Variants in CTNNA2 observed in about 807,000 individuals in gnomAD.
CTNNA2 encodes catenin alpha-2.
CTNNA2 carries 42 observed loss-of-function variants against 101.0 expected under a neutral mutation model. That is an observed-to-expected ratio of 0.42 (90% confidence interval 0.32 to 0.54). CTNNA2 has a LOEUF of 0.54. Among genes scored for constraint, CTNNA2 ranks in the 20% least tolerant of loss-of-function variants. The pLI is 0.14. For synonymous variants in CTNNA2, 450 were observed against 456.4 expected, an observed-to-expected ratio of 0.99 and a Z score of 0.18; for missense variants, 871 against 1,223.1, an observed-to-expected ratio of 0.71 and a Z score of 4.29.
At chr2:80,261,638 C>A (rs1208484949) in intron 7 of CTNNA2, among the ~76,000 whole-genome samples, 1 of 152,012 alleles carries the variant, frequency 6.6e-6, no homozygotes, top group Non-Finnish European at 1.5e-5. Context: ...TAATTGAATA[C>A]CCAATTGAAT....
intron 4 of CTNNA2, among the ~76,000 whole-genome samples, chr2:79,459,104 C>T (rs1670852724): frequency 6.6e-6 from 1 of 152,116 alleles, no homozygotes; most frequent in Non-Finnish European, 1.5e-5. Flanking sequence ...AAGATGAAAA[C>T]TTCTCACACT....
intron 7 of CTNNA2, among the ~76,000 whole-genome samples, chr2:80,110,040 T>A (rs937045772): frequency 2.6e-5 from 4 of 152,188 alleles, no homozygotes; most frequent in Non-Finnish European, 4.4e-5. Flanking sequence ...GTGTTGTCAC[T>A]GAAAATTTGT....
At chr2:80,423,496 T>C (rs1031183238) in intron 9 of CTNNA2, among the ~76,000 whole-genome samples, 13 of 152,178 alleles carry the variant, frequency 8.5e-5, no homozygotes, top group African/African-American at 3.1e-4. Context: ...AAATTTATTA[T>C]CAGGTCATCT....
At chr2:80,030,865 A>G (rs1558743467) in intron 7 of CTNNA2, among the ~76,000 whole-genome samples, 1 of 152,174 alleles carries the variant, frequency 6.6e-6, no homozygotes, top group Non-Finnish European at 1.5e-5. Flanking sequence ...AGAAATATAA[A>G]TGGTCAATAG....
intron 7 of CTNNA2, among the ~76,000 whole-genome samples, chr2:80,254,171 C>T (rs1671967063): frequency 6.6e-6 from 1 of 152,098 alleles, no homozygotes; most frequent in Non-Finnish European, 1.5e-5. Flanking sequence ...GATTACATTA[C>T]AATATTGTAT....
intron 9 of CTNNA2, among the ~76,000 whole-genome samples, chr2:80,506,768 A>T (rs1357562016): frequency 2.0e-5 from 3 of 152,114 alleles, no homozygotes; most frequent in African/African-American, 7.2e-5. Context: ...CGTGGGAGGG[A>T]TGGACAAGAG....
chr2:79,805,662 G>A (rs561323336), intron 3 of CTNNA2, among the ~76,000 whole-genome samples: 2 of 152,278 alleles, frequency 1.3e-5, no homozygotes, highest in South Asian at 2.1e-4. Context: ...AGTTGGCTGG[G>A]CACGGTGGCT....
chr2:80,380,784 T>A (rs1676446503), intron 7 of CTNNA2, among the ~76,000 whole-genome samples: 1 of 152,154 alleles, frequency 6.6e-6, no homozygotes, highest in South Asian at 2.1e-4. Flanking sequence ...TAATATGCAT[T>A]CTCAAGTCTC....
At chr2:79,881,184 A>G (rs1338612803) in intron 6 of CTNNA2, among the ~76,000 whole-genome samples, 1 of 151,968 alleles carries the variant, frequency 6.6e-6, no homozygotes, top group Non-Finnish European at 1.5e-5. Flanking sequence ...AGAGACTGTT[A>G]TGGTTTCAGT....
chr2:79,595,802 C>T (rs1677152759), intron 1 of CTNNA2, among the ~76,000 whole-genome samples: 1 of 151,858 alleles, frequency 6.6e-6, no homozygotes, highest in African/African-American at 2.4e-5. Context: ...AATTATCATA[C>T]TAGAACATTA....
At chr2:79,778,622 C>A (rs1272297206) in intron 3 of CTNNA2, among the ~76,000 whole-genome samples, 1 of 152,032 alleles carries the variant, frequency 6.6e-6, no homozygotes, top group South Asian at 2.1e-4. Flanking sequence ...TATATACACA[C>A]GTAACATACG....
At chr2:80,153,198 C>T (rs1243496053) in intron 7 of CTNNA2, among the ~76,000 whole-genome samples, 3 of 152,150 alleles carry the variant, frequency 2.0e-5, no homozygotes, top group Non-Finnish European at 4.4e-5. Flanking sequence ...TAAGGGTGCT[C>T]ATACCCAAGG....
At chr2:79,287,108 A>C (rs559929581) in intron 2 of CTNNA2, among the ~76,000 whole-genome samples, 2 of 152,196 alleles carry the variant, frequency 1.3e-5, no homozygotes, top group South Asian at 4.2e-4. Flanking sequence ...CAGCTCCATC[A>C]GCTCCTTTAA....
intron 4 of CTNNA2, among the ~76,000 whole-genome samples, chr2:79,467,255 T>C (rs1279828542): frequency 6.6e-6 from 1 of 152,076 alleles, no homozygotes; most frequent in Non-Finnish European, 1.5e-5. Flanking sequence ...GCCGATTTGA[T>C]CAACTGGAAG....
chr2:79,831,061 A>C (rs1678888927), intron 3 of CTNNA2, among the ~76,000 whole-genome samples: 1 of 152,062 alleles, frequency 6.6e-6, no homozygotes, highest in African/African-American at 2.4e-5. Flanking sequence ...CTCAATGCAT[A>C]ATTTTGAAAA....
chr2:79,773,083 C>G (rs190560678), intron 3 of CTNNA2, among the ~76,000 whole-genome samples: 1 of 152,202 alleles, frequency 6.6e-6, no homozygotes, highest in African/African-American at 2.4e-5. Context: ...TTATAAAAGG[C>G]ATCTAGTCAT....
At chr2:80,554,515 A>G (rs1292034944) in intron 11 of CTNNA2, among the ~76,000 whole-genome samples, 1 of 152,154 alleles carries the variant, frequency 6.6e-6, no homozygotes, top group Non-Finnish European at 1.5e-5. Flanking sequence ...GTCCAAGACA[A>G]AGGACTCTGC....
At chr2:79,359,030 A>G (rs1191599061) in intron 3 of CTNNA2, among the ~76,000 whole-genome samples, 1 of 152,176 alleles carries the variant, frequency 6.6e-6, no homozygotes, top group Non-Finnish European at 1.5e-5. Context: ...GATATAACAT[A>G]CTAAGTTACT....
At chr2:79,420,859 G>T (rs546939112) in intron 4 of CTNNA2, among the ~76,000 whole-genome samples, 33 of 152,242 alleles carry the variant, frequency 2.2e-4, no homozygotes, top group African/African-American at 7.7e-4. Flanking sequence ...CAAGGAATGT[G>T]ATACATTCCT....
Sources: allele counts gnomAD v4.1 joint callset (sites outside exome capture counted in the v4.1 genomes callset), GRCh38; gene constraint gnomAD v4.1.1; transcripts MANE v1.5; gene names NCBI Gene and HGNC (gene_info 2026-07-23, HGNC 2026-07-21).